The following UNC5D variants were observed in gnomAD, a reference collection of about 807,000 sequenced individuals.
UNC5D encodes netrin receptor UNC5D.
A neutral mutation model predicts 105.4 loss-of-function variants in UNC5D; 39 were observed. The ratio of observed to expected loss-of-function variants is 0.37; its 90% CI spans 0.29 to 0.48. The LOEUF is 0.48. Among genes scored for constraint, UNC5D ranks in the 20% least tolerant of loss-of-function variants. The pLI, the probability that UNC5D is intolerant of heterozygous loss-of-function variation, is 0.98. For missense variants in UNC5D, 991 were observed against 1,202.4 expected (o/e 0.82, Z 2.60); for synonymous variants, 452 against 450.4 (o/e 1.00, Z -0.04).
intron 1 of UNC5D, among the ~76,000 whole-genome samples, chr8:35,354,913 A>G (rs1313489680): frequency 6.6e-6 from 1 of 152,122 alleles, no homozygotes; most frequent in Non-Finnish European, 1.5e-5. Flanking sequence ...ATATTATCCT[A>G]AATGGTCTTT....
Position 35,792,885 on chromosome 8 carries a change from T to C in UNC5D, c.*2322T>C, listed in dbSNP as rs904733261. The C allele has an allele frequency of 2.6e-6, 1 of 377,894 alleles. No individual in the cohort carries two copies. Among genetic ancestry groups the C allele is most frequent in the Non-Finnish European group, 5.1e-6 (1 of 196,890 alleles). The allele number at this position is 377,894 out of a possible 1,614,324, so 23.4% of individuals were successfully genotyped here. On this transcript the variant is annotated 3_prime_UTR_variant, in exon 17 of 17. Coordinates refer to ENST00000404895, the MANE Select transcript of UNC5D (RefSeq NM_080872.4). ...TTAAATAGATGAAAATTCTAAATGA[T>C]TTTCCCTCAAATCTATCTAGATTAT...
intron 1 of UNC5D, among the ~76,000 whole-genome samples, chr8:35,488,395 C>T (rs1326113133): frequency 6.6e-6 from 1 of 152,132 alleles, no homozygotes; most frequent in East Asian, 1.9e-4. Context: ...ACAGAATGAC[C>T]CAGAAGGTGA....
chr8:35,661,111 A>T (rs1327084782), intron 4 of UNC5D, among the ~76,000 whole-genome samples: 15 of 145,132 alleles, frequency 1.0e-4, no homozygotes, highest in South Asian at 4.4e-4. Context: ...AAGAAAAATT[A>T]AAAAAAAAAA....
intron 1 of UNC5D, among the ~76,000 whole-genome samples, chr8:35,257,054 C>T (rs1050141303): frequency 5.9e-5 from 9 of 151,532 alleles, no homozygotes; most frequent in Non-Finnish European, 1.3e-4. Flanking sequence ...TCACTGCAAC[C>T]TCTGATTCCC....
intron 3 of UNC5D, among the ~76,000 whole-genome samples, chr8:35,576,359 G>C (rs1386580575): frequency 1.3e-5 from 2 of 152,170 alleles, no homozygotes; most frequent in African/African-American, 4.8e-5. Context: ...GTCTGATGTT[G>C]AATTGGGACA....
At chr8:35,440,714 G>A (rs16883929) in intron 1 of UNC5D, among the ~76,000 whole-genome samples, 26,249 of 151,822 alleles carry the variant, frequency 0.17, 3,819 homozygotes, top group African/African-American at 0.4. Flanking sequence ...TGGAAGCGCT[G>A]TGCAAATGTG....
intron 1 of UNC5D, among the ~76,000 whole-genome samples, chr8:35,250,258 T>C (rs1244469469): frequency 6.6e-6 from 1 of 152,150 alleles, no homozygotes; most frequent in Non-Finnish European, 1.5e-5. Flanking sequence ...ACCCAGGGTT[T>C]TGTTTGTTGT....
chr8:35,706,573 T>C (rs1827592020), intron 8 of UNC5D, among the ~76,000 whole-genome samples: 1 of 152,158 alleles, frequency 6.6e-6, no homozygotes, highest in African/African-American at 2.4e-5. Context: ...CTCTTTAGTA[T>C]CACCTGTAGG....
chr8:35,766,728 A>G (rs1801784825), intron 14 of UNC5D, among the ~76,000 whole-genome samples, 174 bp from the exon 15 acceptor site: 1 of 152,206 alleles, frequency 6.6e-6, no homozygotes, highest in African/African-American at 2.4e-5. Context: ...TTGCTGGAAC[A>G]TTATTTTTAC....
chr8:35,302,460 C>T (rs1808031691), intron 1 of UNC5D, among the ~76,000 whole-genome samples: 1 of 152,184 alleles, frequency 6.6e-6, no homozygotes, highest in African/African-American at 2.4e-5. Flanking sequence ...CTGTGCTTCA[C>T]CAGGGCTTTT....
intron 1 of UNC5D, among the ~76,000 whole-genome samples, chr8:35,459,911 T>C (rs1026018032): frequency 1.3e-5 from 2 of 152,206 alleles, no homozygotes; most frequent in East Asian, 3.9e-4. Flanking sequence ...TAGGTATTTT[T>C]AGACCTGCTG....
chr8:35,671,121 C>G (rs1225238181), intron 4 of UNC5D, among the ~76,000 whole-genome samples: 1 of 152,058 alleles, frequency 6.6e-6, no homozygotes, highest in Non-Finnish European at 1.5e-5. Context: ...GTCGGCCATC[C>G]TTCATAATAG....
chr8:35,350,957 C>A (rs998170927), intron 1 of UNC5D, among the ~76,000 whole-genome samples: 5 of 151,944 alleles, frequency 3.3e-5, no homozygotes, highest in Admixed American at 6.6e-5. Flanking sequence ...AGGAAAGATT[C>A]CGAAAATATC....
chr8:35,677,668 T>TA (rs967102620), intron 4 of UNC5D, among the ~76,000 whole-genome samples: 9 of 151,948 alleles, frequency 5.9e-5, no homozygotes, highest in Non-Finnish European at 1.2e-4. Flanking sequence ...AGGTTATGAA[T>TA]AAAAAAACAG....
At chr8:35,434,079 T>C (rs992018410) in intron 1 of UNC5D, among the ~76,000 whole-genome samples, 1 of 152,014 alleles carries the variant, frequency 6.6e-6, no homozygotes, top group Non-Finnish European at 1.5e-5. Context: ...TGTAACATAA[T>C]GATAAGCCTT....
At chr8:35,713,386 C>T (rs1042208794) in intron 8 of UNC5D, among the ~76,000 whole-genome samples, 2 of 152,140 alleles carry the variant, frequency 1.3e-5, no homozygotes, top group Non-Finnish European at 2.9e-5. Flanking sequence ...AGCTGGAGTT[C>T]AAATTCTGCT....
chr8:35,738,938 A>C (rs1829609953), intron 11 of UNC5D, among the ~76,000 whole-genome samples: 1 of 152,196 alleles, frequency 6.6e-6, no homozygotes, highest in Non-Finnish European at 1.5e-5. Context: ...TTTGTCTTAG[A>C]AGAATCCAAT....
At chr8:35,603,160 C>T (rs949487032) in intron 4 of UNC5D, among the ~76,000 whole-genome samples, 3 of 151,954 alleles carry the variant, frequency 2.0e-5, no homozygotes, top group African/African-American at 7.3e-5. Context: ...TTAGATCTTT[C>T]CTGCTTTCTC....
At chr8:35,604,014 CT>C (rs1563580743) in intron 4 of UNC5D, among the ~76,000 whole-genome samples, 2 of 152,152 alleles carry the variant, frequency 1.3e-5, no homozygotes, top group African/African-American at 4.8e-5. Flanking sequence ...CAGTCTGTGC[CT>C]TTTAATTGGA....
Sources: gnomAD v4.1 joint callset for allele counts (sites outside exome capture counted in the v4.1 genomes callset) on GRCh38, gnomAD v4.1.1 for gene constraint, MANE v1.5 for transcripts, NCBI Gene and HGNC (gene_info 2026-07-23, HGNC 2026-07-21) for gene names.